The following COQ4 variants were observed in gnomAD, a reference collection of about 807,000 sequenced individuals.
COQ4 encodes the protein ubiquinone biosynthesis protein COQ4 homolog, mitochondrial.
Under a neutral mutation model 30.2 loss-of-function variants are expected in COQ4, and 36 were observed. The ratio of observed to expected loss-of-function variants is 1.19; its 90% CI spans 0.91 to 1.57. The LOEUF is 1.57. Ranked by LOEUF, COQ4 falls within the 40% of genes most tolerant of loss-of-function variation. The probability of loss-of-function intolerance (pLI) is 0.00; values close to 1 mark genes in which losing one functional copy is unlikely to be tolerated. For synonymous variants in COQ4, 197 were observed against 161.0 expected (o/e 1.22, Z -1.69); for missense variants, 369 against 371.9 (o/e 0.99, Z 0.07).
chr9:128,329,921 A>G (rs1564392691), intron 4 of COQ4, among the ~76,000 whole-genome samples: 1 of 152,206 alleles, frequency 6.6e-6, no homozygotes, highest in Non-Finnish European at 1.5e-5. Context: ...TTCTGGGATC[A>G]GAAAAGTGCC....
At chr9:128,330,385 TAAAA>T (rs920931418) in intron 4 of COQ4, 1 of 151,610 alleles carries the variant, frequency 6.6e-6, no homozygotes, top group African/African-American at 2.4e-5. Context: ...AAAATAAAAA[TAAAA>T]ATAAATAAAT....
intron 2 of COQ4, chr9:128,323,392 A>G: frequency 1.8e-6 from 1 of 554,866 alleles, no homozygotes; most frequent in Non-Finnish European, 3.1e-6. Flanking sequence ...AGAATCTGTC[A>G]TGCAGCCATA....
intron 2 of COQ4, 183 bp downstream of exon 2, chr9:128,323,330 G>A (rs1832249521): frequency 1.6e-6 from 1 of 636,008 alleles, no homozygotes; most frequent in Non-Finnish European, 2.6e-6. Context: ...TGAATCTGCA[G>A]TGGAGGGAGA....
intron 6 of COQ4, 26 bp downstream of exon 6, chr9:128,332,969 C>A: frequency 6.3e-7 from 1 of 1,577,738 alleles, no homozygotes; most frequent in Non-Finnish European, 8.7e-7. Context: ...GTAGCTGGGT[C>A]GGGGTTGAGG....
chr9:128,325,260 G>C, intron 3 of COQ4, 21 bp downstream of exon 3: 1 of 1,533,536 alleles, frequency 6.5e-7, no homozygotes, highest in Non-Finnish European at 9.0e-7. Context: ...GCTCTGCCTG[G>C]GGGTCTGGGG....
chr9:128,325,177 C>T lies in COQ4; in HGVS notation c.237C>T (p.His79=). ...CAGTTCTAGGGGAGACCACAGGACA[C>T]CGCACCCTGAAGGTCCTCAGGGACC... is the stretch of plus-strand genomic sequence containing the variant. ...MVAVLGETTG[H]RTLKVLRDQM... The change falls in exon 3 of 7, where the codon CAC becomes CAT. Residue 79 remains histidine, a synonymous_variant. Coordinates refer to ENST00000300452, the MANE Select transcript of COQ4 (RefSeq NM_016035.5). The T allele has an allele frequency of 1.2e-6, 2 of 1,614,154 alleles. No individual in the cohort carries two copies. The highest frequency in any genetic ancestry group is 1.7e-6 in the Non-Finnish European group (2 of 1,179,984).
chr9:128,328,794 C>T lies in COQ4; in HGVS notation c.402+2913C>T, dbSNP rs182962662. 1.9e-3 allele frequency among the ~76,000 whole-genome samples: 286 copies of T among 152,340 alleles called. 1 individual carries two copies. Among genetic ancestry groups the T allele is most frequent in the African/African-American group, 6.6e-3 (273 of 41,566 alleles). ...GGAAACTCACCAGGGTGACCTGCCTCAAGTGCTACACAGGGAGGGACAGTC... is the reference window on the plus strand; with the variant it reads ...GGAAACTCACCAGGGTGACCTGCCTTAAGTGCTACACAGGGAGGGACAGTC... On this transcript the variant is annotated intron_variant, in intron 4 of 6. Transcript: ENST00000300452.
intron 5 of COQ4, chr9:128,332,492 A>G (rs868767577): frequency 1.6e-6 from 1 of 611,262 alleles, no homozygotes; most frequent in Non-Finnish European, 2.9e-6. Flanking sequence ...AGCAGAGCCC[A>G]TCTTCAAGGC....
rs1832437182 is a variant in COQ4 at position 128,332,842 on chromosome 9, A to C, written c.533-8A>C. 1.9e-6 allele frequency: 3 copies of C among 1,609,392 alleles called. No individual in the cohort carries two copies. The highest frequency in any genetic ancestry group is 1.3e-5 in the African/African-American group (1 of 74,900). ...TTGTTCACCTCCCAACACATCCCTC[A>C]CCCACAGGGGAGATCGTGGTGAAAT... On this transcript the variant is annotated splice_region_variant and splice_polypyrimidine_tract_variant and intron_variant, in intron 5 of 6. Coordinates refer to ENST00000300452, the MANE Select transcript of COQ4 (RefSeq NM_016035.5).
intron 3 of COQ4, 113 bp from the exon 4 acceptor site, chr9:128,325,665 CT>C (rs1217200788): frequency 2.5e-6 from 2 of 795,372 alleles, no homozygotes; most frequent in African/African-American, 3.4e-5. Context: ...TCCATTAAGG[CT>C]TGTGGTGGCC....
chr9:128,324,616 C>T (rs2131464766), intron 2 of COQ4, among the ~76,000 whole-genome samples: 1 of 152,150 alleles, frequency 6.6e-6, no homozygotes, highest in East Asian at 1.9e-4. Flanking sequence ...AGTTCAAGAC[C>T]AGCCTGGGCA....
Position 128,323,076 on chromosome 9 carries a change from C to G in COQ4, c.131C>G (p.Thr44Ser). The G allele has an allele frequency of 1.9e-6, 3 of 1,612,194 alleles. No homozygotes were observed. Among genetic ancestry groups the G allele is most frequent in the Non-Finnish European group, 2.5e-6 (3 of 1,179,766 alleles). Residue 44 changes from threonine (T) to serine (S), a missense_variant, in exon 2 of 7, where the codon ACC (threonine) becomes AGC (serine). Coordinates refer to ENST00000300452, the MANE Select transcript of COQ4 (RefSeq NM_016035.5). ...CCGCTATACTCGCACCACCTCCCCA[C>G]CTCCCCGCTGCAGAAAGGGCTGTTG... The part of the protein sequence containing the change: ...AGPLYSHHLP[T>S]SPLQKGLLAA...
Position 128,325,168 on chromosome 9 carries a change from C to T in COQ4, c.228C>T (p.Thr76=). 6.2e-7 allele frequency: 1 copy of T among 1,614,070 alleles called. No homozygotes were observed. Among genetic ancestry groups the T allele is most frequent in the Non-Finnish European group, 8.5e-7 (1 of 1,179,956 alleles). ...ACATGGTCGCAGTTCTAGGGGAGAC[C>T]ACAGGACACCGCACCCTGAAGGTCC... is the stretch of plus-strand genomic sequence containing the variant. ...RHDMVAVLGE[T]TGHRTLKVLR... The change falls in exon 3 of 7, where the codon ACC becomes ACT. Residue 76 remains threonine (T), a synonymous_variant. Transcript: ENST00000300452.
chr9:128,325,082 C>A, intron 2 of COQ4, 61 bp from the exon 3 acceptor site: 1 of 1,182,132 alleles, frequency 8.5e-7, no homozygotes, highest in Non-Finnish European at 1.3e-6. Context: ...AAGGCTCAGA[C>A]CAGGTCAGCT....
chr9:128,325,188 A>C lies in COQ4; in HGVS notation c.248A>C (p.Lys83Thr). The change falls in exon 3 of 7, where the codon AAG (lysine) becomes ACG (threonine). Residue 83 changes from lysine to threonine, a missense_variant. Coordinates refer to ENST00000300452, the MANE Select transcript of COQ4 (RefSeq NM_016035.5). ...GAGACCACAGGACACCGCACCCTGA[A>C]GGTCCTCAGGGACCAGATGAGGAGG... ...LGETTGHRTL[K>T]VLRDQMRRDP... The C allele has an allele frequency of 6.2e-7, 1 of 1,614,158 alleles. No homozygotes were observed. The highest frequency in any genetic ancestry group is 8.5e-7 in the Non-Finnish European group (1 of 1,179,992).
Position 128,333,736 on chromosome 9 carries a change from T to C in COQ4, c.*91T>C. 6 of 1,141,708 alleles carry C rather than the reference T, an allele frequency of 5.3e-6. No individual in the cohort carries two copies. Among genetic ancestry groups the C allele is most frequent in the Non-Finnish European group, 7.2e-6 (6 of 838,454 alleles). 70.7% of individuals were successfully genotyped at this position (1,141,708 alleles called of 1,614,324 possible). A position where few individuals can be genotyped will look rare whatever the true frequency, so the allele number is the denominator to read the frequency against. ...CCCTTGACTACCTTTGTTCCTCTTC[T>C]TTGAACACTGACCCTTGGACAACAT... On this transcript the variant is annotated 3_prime_UTR_variant, in exon 7 of 7. Coordinates refer to ENST00000300452, the MANE Select transcript of COQ4 (RefSeq NM_016035.5).
At position 128,323,242 on chromosome 9, in the gene COQ4, G is replaced by T. The variant is rs758330358; in HGVS notation, c.202+95G>T. On this transcript the variant is annotated intron_variant, in intron 2 of 6. Transcript: ENST00000300452. The stretch of plus-strand genomic sequence containing the variant: ...GCCTAGGTCGGGGTACCCAAACCTG[G>T]TTGCAGCTCGTAACCACTCGGAACG... The T allele has an allele frequency of 6.4e-6, 8 of 1,246,402 alleles. No homozygotes were observed. The African/African-American group carries it at 1.1e-4, about 17-fold the overall frequency. The allele number at this position is 1,246,402 out of a possible 1,614,324, so 77.2% of individuals were successfully genotyped here. A position where few individuals can be genotyped will look rare whatever the true frequency, so the allele number is the denominator to read the frequency against.
chr9:128,330,750 T>G (rs936132811), intron 4 of COQ4: 1 of 151,220 alleles, frequency 6.6e-6, no homozygotes, highest in Non-Finnish European at 1.5e-5. Context: ...TAACCATGAG[T>G]CACCGTGCCT....
At chr9:128,325,756 A>G in intron 3 of COQ4, 23 bp from the exon 4 acceptor site, 1 of 1,601,424 alleles carries the variant, frequency 6.2e-7, no homozygotes, top group Non-Finnish European at 8.6e-7. Context: ...ACACCCTCCC[A>G]ATGCCCAAGT....
Sources: allele counts gnomAD v4.1 joint callset (sites outside exome capture counted in the v4.1 genomes callset), GRCh38; gene constraint gnomAD v4.1.1; transcripts MANE v1.5; gene names NCBI Gene and HGNC (gene_info 2026-07-23, HGNC 2026-07-21).